The following BEND3 variants were observed in gnomAD, a reference collection of about 807,000 sequenced individuals.
BEND3 encodes BEN domain containing 3, also known as BEN domain-containing protein 3.
In BEND3, 13 loss-of-function variants were observed where a neutral mutation model predicts 60.1. That is an observed-to-expected ratio of 0.22 (90% CI 0.14 to 0.34). BEND3 has a LOEUF of 0.34. Ranked by LOEUF, BEND3 falls within the 10% of genes least tolerant of loss-of-function variation. The pLI, the probability that BEND3 is intolerant of heterozygous loss-of-function variation, is 1.00. For synonymous variants in BEND3, 497 were observed against 491.5 expected (o/e 1.01, Z -0.15); for missense variants, 896 against 1,138.1 (o/e 0.79, Z 3.06).
At position 107,075,891 on chromosome 6, in the gene BEND3, A is replaced by C. The variant is rs571201213; in HGVS notation, c.241-4941T>G. On this transcript the variant is annotated intron_variant, in intron 3 of 3. Transcript: ENST00000369042. ...TACAGCAGGTGGGAGGCAAGAGTACATTGAAACTGGGAAACCCCCCATAAC... is the reference window on the plus strand; with the variant it reads ...TACAGCAGGTGGGAGGCAAGAGTACCTTGAAACTGGGAAACCCCCCATAAC... Among the ~76,000 whole-genome samples the C allele has an allele frequency of 3.1e-4, 47 of 152,334 alleles. 1 individual carries two copies. In the South Asian group the frequency reaches 7.9e-3, roughly 26 times the overall value.
chr6:107,104,603 T>G (rs913655629), intron 1 of BEND3, among the ~76,000 whole-genome samples: 4 of 152,102 alleles, frequency 2.6e-5, no homozygotes, highest in Non-Finnish European at 4.4e-5. Context: ...AATAATACAA[T>G]GTAAGTGGTA....
At position 107,067,381 on chromosome 6, in the gene BEND3, G is replaced by A. The variant is rs1489115120; in HGVS notation, c.*1323C>T. On this transcript the variant is annotated 3_prime_UTR_variant, in exon 4 of 4. Coordinates refer to ENST00000369042, the MANE Select transcript of BEND3 (RefSeq NM_001367314.1). ...GGTAGGTAAAAGTATCATTTTAAAG[G>A]ACTTTACCTGTCAGGGGATTTCCCA... The A allele has an allele frequency of 7.9e-5, 12 of 152,180 alleles. No homozygotes were observed. Among genetic ancestry groups the A allele is most frequent in the African/African-American group, 2.9e-4 (12 of 41,442 alleles). The allele number at this position is 152,180 out of a possible 1,614,324, so 9.4% of individuals were successfully genotyped here. A position where few individuals can be genotyped will look rare whatever the true frequency, so the allele number is the denominator to read the frequency against.
rs554255736 is a variant in BEND3, at chr6:107,079,011, C to T, written c.241-8061G>A. ...TCTATCCTGTGCCTATAGAAATCCC[C>T]GAGACCCTAGCAGGCAGGCACACAA... On this transcript the variant is annotated intron_variant, in intron 3 of 3. Coordinates refer to ENST00000369042, the MANE Select transcript of BEND3 (RefSeq NM_001367314.1). Among the ~76,000 whole-genome samples, 11 of 152,144 alleles carry T rather than the reference C, an allele frequency of 7.2e-5. No individual in the cohort carries two copies. In the South Asian group the frequency reaches 8.3e-4, roughly 11 times the overall value.
chr6:107,078,559 A>C (rs202145857), intron 3 of BEND3, among the ~76,000 whole-genome samples: 1 of 147,094 alleles, frequency 6.8e-6, no homozygotes, highest in African/African-American at 2.5e-5. Flanking sequence ...GGTTCATGCC[A>C]TTCTCCTGCC....
Position 107,069,239 on chromosome 6 carries a change from C to T in BEND3, c.1952G>A (p.Arg651Lys). 6.2e-7 allele frequency: 1 copy of T among 1,612,030 alleles called. No individual in the cohort carries two copies. Among genetic ancestry groups the T allele is most frequent in the Non-Finnish European group, 8.5e-7 (1 of 1,179,588 alleles). ...ERCRRRDTEQ[R>K]RSYQQQRKVH... ...CTTGCGCTGCTGCTGGTAGGAGCGC[C>T]TTTGCTCCGTGTCCCGGCGCCGGCA... The change falls in exon 4 of 4, where the codon AGG (arginine) becomes AAG (lysine). Residue 651 changes from arginine (R) to lysine (K), a missense_variant. Coordinates refer to ENST00000369042, the MANE Select transcript of BEND3 (RefSeq NM_001367314.1).
At chr6:107,108,351 T>C (rs928223700) in intron 1 of BEND3, among the ~76,000 whole-genome samples, 1 of 152,204 alleles carries the variant, frequency 6.6e-6, no homozygotes. Context: ...CGTGGAGGGC[T>C]ACCTCCTCAC....
chr6:107,068,896 C>T lies in BEND3; in HGVS notation c.2295G>A (p.Gly765=). The part of the protein sequence containing the change: ...ENLRLQYNHS[G]ACNKKQLDPT... ...GGTCCAGTTGCTTCTTGTTGCAAGCCCCGGAATGGTTGTACTGCAGCCGGA... is the reference window on the plus strand; with the variant it reads ...GGTCCAGTTGCTTCTTGTTGCAAGCTCCGGAATGGTTGTACTGCAGCCGGA... Residue 765 remains glycine (G), a synonymous_variant, in exon 4 of 4, where the codon GGG becomes GGA. Transcript: ENST00000369042. This position sits in a 1 kb window ranked among gnomAD's most constrained non-coding sequence, Gnocchi z 5.8. The T allele has an allele frequency of 6.2e-7, 1 of 1,613,738 alleles. No individual in the cohort carries two copies. The highest frequency in any genetic ancestry group is 8.5e-7 in the Non-Finnish European group (1 of 1,179,940).
At chr6:107,099,867 T>C (rs1775668521) in intron 1 of BEND3, among the ~76,000 whole-genome samples, 4 of 79,226 alleles carry the variant, frequency 5.0e-5, no homozygotes, top group South Asian at 7.7e-4. Flanking sequence ...AATATCTCAC[T>C]AGTAATTTTT....
At chr6:107,091,858 C>T (rs1484435410) in intron 3 of BEND3, among the ~76,000 whole-genome samples, 1 of 152,168 alleles carries the variant, frequency 6.6e-6, no homozygotes, top group Non-Finnish European at 1.5e-5. Context: ...AAAAAAGCTA[C>T]AGACCAATAT....
chr6:107,101,414 A>G (rs1775699808), intron 1 of BEND3, among the ~76,000 whole-genome samples: 1 of 152,206 alleles, frequency 6.6e-6, no homozygotes, highest in Admixed American at 6.5e-5. Flanking sequence ...CAACACATAC[A>G]GTGCTTATGA....
chr6:107,099,393 G>A (rs1208452271), intron 1 of BEND3, 97 bp from the exon 2 acceptor site: 1 of 1,041,658 alleles, frequency 9.6e-7, no homozygotes, highest in Non-Finnish European at 1.5e-6. Flanking sequence ...CCCAACCCCA[G>A]CTCTAGGTAA....
chr6:107,071,502 C>A (rs1774981165), intron 3 of BEND3, among the ~76,000 whole-genome samples: 3 of 152,150 alleles, frequency 2.0e-5, no homozygotes, highest in South Asian at 4.1e-4. Context: ...ATGGTCGGGG[C>A]ACCTGAGAAC....
At position 107,100,203 on chromosome 6, in the gene BEND3, T is replaced by G. The variant is rs183274371; in HGVS notation, c.-11-907A>C. Among the ~76,000 whole-genome samples the G allele has an allele frequency of 7.2e-5, 11 of 151,998 alleles. No individual in the cohort carries two copies. The East Asian group carries it at 1.8e-3, about 24-fold the overall frequency. ...GCTTTATATTGATTACATGTTGAAA[T>G]GATAATATTTTGGACTTACTGGGCT... is the stretch of plus-strand genomic sequence containing the variant. On this transcript the variant is annotated intron_variant, in intron 1 of 3. Transcript: ENST00000369042.
At position 107,067,532 on chromosome 6, in the gene BEND3, G is replaced by C. The variant is rs1384110580; in HGVS notation, c.*1172C>G. On this transcript the variant is annotated 3_prime_UTR_variant, in exon 4 of 4. Coordinates refer to ENST00000369042, the MANE Select transcript of BEND3 (RefSeq NM_001367314.1). ...GTATAGGACAGCAGGACCTTCTAGA[G>C]AGTCCAAGAGGAAAGTTCTGAGTGG... 3 of 152,232 alleles carry C rather than the reference G, an allele frequency of 2.0e-5. No homozygotes were observed. Among genetic ancestry groups the C allele is most frequent in the Admixed American group, 2.0e-4 (3 of 15,290 alleles). The allele number at this position is 152,232 out of a possible 1,614,324, so 9.4% of individuals were successfully genotyped here. A position where few individuals can be genotyped will look rare whatever the true frequency, so the allele number is the denominator to read the frequency against.
chr6:107,073,869 G>A (rs1426160031), intron 3 of BEND3, among the ~76,000 whole-genome samples: 1 of 152,036 alleles, frequency 6.6e-6, no homozygotes, highest in African/African-American at 2.4e-5. Context: ...CTGGGCAACA[G>A]AGCAAGACCC....
chr6:107,074,751 C>A (rs1410457934), intron 3 of BEND3, among the ~76,000 whole-genome samples: 2 of 152,084 alleles, frequency 1.3e-5, no homozygotes, highest in Non-Finnish European at 2.9e-5. Context: ...AACCTTTACC[C>A]CTAATGCAGT....
chr6:107,086,892 G>T (rs909223141), intron 3 of BEND3, among the ~76,000 whole-genome samples: 3 of 151,696 alleles, frequency 2.0e-5, no homozygotes. Flanking sequence ...GGGCATGGTT[G>T]TACACGCCTG....
At position 107,101,650 on chromosome 6, in the gene BEND3, A is replaced by G. The variant is rs147303670; in HGVS notation, c.-11-2354T>C. ...AGTCAACTTCAAGGGTCCGAGAACTATTTTACCAGAGTCAAATTTTAGCAA... is the reference window on the plus strand; with the variant it reads ...AGTCAACTTCAAGGGTCCGAGAACTGTTTTACCAGAGTCAAATTTTAGCAA... On this transcript the variant is annotated intron_variant, in intron 1 of 3. Transcript: ENST00000369042. 2.5e-4 allele frequency among the ~76,000 whole-genome samples: 38 copies of G among 152,344 alleles called. No individual in the cohort carries two copies. The East Asian group carries it at 6.6e-3, about 26-fold the overall frequency.
At chr6:107,088,016 T>C (rs1339434432) in intron 3 of BEND3, among the ~76,000 whole-genome samples, 1 of 150,902 alleles carries the variant, frequency 6.6e-6, no homozygotes, top group Non-Finnish European at 1.5e-5. Context: ...CCTTTTTTTT[T>C]TTTTTTTAGA....
Sources: gnomAD v4.1 joint callset for allele counts (sites outside exome capture counted in the v4.1 genomes callset) on GRCh38, gnomAD v4.1.1 for gene constraint, Gnocchi (gnomAD v3.1) non-coding constraint, MANE v1.5 for transcripts, NCBI Gene and HGNC (gene_info 2026-07-23, HGNC 2026-07-21) for gene names.